The following CADM2 variants were observed in gnomAD, a reference collection of about 807,000 sequenced individuals.
The protein encoded by CADM2 is immunoglobulin superfamily member 4D.
In CADM2, 12 loss-of-function variants were observed where a neutral mutation model predicts 49.8. The ratio of observed to expected loss-of-function variants is 0.24; its 90% CI spans 0.15 to 0.39. The LOEUF (loss-of-function observed/expected upper bound fraction) is 0.39. Ranked by LOEUF, CADM2 falls within the 10% of genes least tolerant of loss-of-function variation. The pLI, the probability that CADM2 is intolerant of heterozygous loss-of-function variation, is 1.00. For missense variants in CADM2, 378 were observed against 492.3 expected (o/e 0.77, Z 2.20); for synonymous variants, 214 against 175.4 (o/e 1.22, Z -1.74).
intron 6 of CADM2, among the ~76,000 whole-genome samples, chr3:85,928,964 AT>A (rs1008794807): frequency 2.0e-5 from 3 of 152,106 alleles, no homozygotes; most frequent in East Asian, 1.9e-4. Context: ...GAAAGGACCA[AT>A]TTTTTAAAGG....
intron 1 of CADM2, among the ~76,000 whole-genome samples, chr3:85,564,230 A>G (rs1375550): frequency 0.51 from 77,694 of 151,618 alleles, 22,963 homozygotes; most frequent in East Asian, 0.85. Flanking sequence ...AATACACGTA[A>G]CATAAAATTT....
intron 1 of CADM2, among the ~76,000 whole-genome samples, chr3:85,456,865 T>C (rs1470314041): frequency 4.6e-5 from 7 of 151,972 alleles, no homozygotes; most frequent in Admixed American, 4.6e-4. Flanking sequence ...TCCCTTGTTT[T>C]TAGATCTTTC....
intron 5 of CADM2, among the ~76,000 whole-genome samples, chr3:85,902,321 T>C (rs182442747): frequency 5.3e-4 from 80 of 152,176 alleles, no homozygotes; most frequent in African/African-American, 1.8e-3. Flanking sequence ...GCTTTGATAT[T>C]AGTATAGTCA....
intron 1 of CADM2, among the ~76,000 whole-genome samples, chr3:85,492,089 A>C (rs1320671762): frequency 6.6e-6 from 1 of 152,184 alleles, no homozygotes; most frequent in Non-Finnish European, 1.5e-5. Context: ...AATTTTAGAA[A>C]ATATTTTTTA....
intron 1 of CADM2, among the ~76,000 whole-genome samples, chr3:85,569,693 T>C (rs7651291): frequency 0.21 from 29,995 of 140,698 alleles, 3,705 homozygotes; most frequent in East Asian, 0.33. Context: ...GAGGAACCTT[T>C]CTAATGGCAA....
intron 1 of CADM2, among the ~76,000 whole-genome samples, chr3:85,665,774 C>T (rs1309319046): frequency 6.6e-6 from 1 of 151,966 alleles, no homozygotes; most frequent in Non-Finnish European, 1.5e-5. Context: ...AAATTTTTAA[C>T]TCTCATTCAC....
At chr3:85,560,197 G>A (rs2062058537) in intron 1 of CADM2, among the ~76,000 whole-genome samples, 1 of 152,182 alleles carries the variant, frequency 6.6e-6, no homozygotes, top group Admixed American at 6.6e-5. Context: ...TCAAAACTAA[G>A]CTGGTGAACC....
At chr3:85,532,259 A>G (rs1262284926) in intron 1 of CADM2, among the ~76,000 whole-genome samples, 1 of 152,172 alleles carries the variant, frequency 6.6e-6, no homozygotes, top group East Asian at 1.9e-4. Flanking sequence ...TGCAGGCAGT[A>G]TTCTCCCTCC....
intron 1 of CADM2, among the ~76,000 whole-genome samples, chr3:85,354,381 A>T (rs1377461893): frequency 2.0e-5 from 3 of 149,442 alleles, no homozygotes; most frequent in Non-Finnish European, 3.0e-5. Context: ...GAGGGATAGC[A>T]TTAAGAGATA....
chr3:85,254,336 A>G (rs1222825335), intron 1 of CADM2, among the ~76,000 whole-genome samples: 1 of 151,978 alleles, frequency 6.6e-6, no homozygotes, highest in African/African-American at 2.4e-5. Context: ...AGCTCTTTAA[A>G]CCTAGTCATT....
At chr3:85,504,954 C>G (rs1254641258) in intron 1 of CADM2, among the ~76,000 whole-genome samples, 2 of 152,088 alleles carry the variant, frequency 1.3e-5, no homozygotes, top group Non-Finnish European at 2.9e-5. Flanking sequence ...CCGGCAGGGC[C>G]GGCCGGCTGC....
intron 1 of CADM2, among the ~76,000 whole-genome samples, chr3:85,352,076 G>A (rs2031406232): frequency 6.6e-6 from 1 of 152,056 alleles, no homozygotes; most frequent in South Asian, 2.1e-4. Context: ...GCAGATAGAA[G>A]ATTATGACAA....
intron 8 of CADM2, among the ~76,000 whole-genome samples, chr3:86,062,758 G>A (rs1188185364): frequency 6.6e-6 from 1 of 151,894 alleles, no homozygotes; most frequent in Non-Finnish European, 1.5e-5. Flanking sequence ...GCCACTCACT[G>A]AACTCCAGCC....
intron 1 of CADM2, among the ~76,000 whole-genome samples, chr3:85,287,203 T>C (rs553027827): frequency 1.3e-5 from 2 of 152,036 alleles, no homozygotes; most frequent in African/African-American, 4.8e-5. Flanking sequence ...GTTGATGTTA[T>C]TCCTGCATTA....
rs76703651 is a variant in CADM2, at chr3:85,497,260, T to C, written c.62-229262T>C. Among the ~76,000 whole-genome samples the C allele has an allele frequency of 8.7e-3, 1,319 of 152,234 alleles. 20 individuals carry two copies. Among genetic ancestry groups the C allele is most frequent in the African/African-American group, 0.03 (1,263 of 41,550 alleles). ...ATTAGTCCCTTCTCAGGTACATATATGTGTGTATTTTCTCCCATTCTTTTA... is the reference window on the plus strand; with the variant it reads ...ATTAGTCCCTTCTCAGGTACATATACGTGTGTATTTTCTCCCATTCTTTTA... On this transcript the variant is annotated intron_variant, in intron 1 of 9. Transcript: ENST00000383699.
At chr3:85,363,815 G>A (rs2032539631) in intron 1 of CADM2, among the ~76,000 whole-genome samples, 1 of 151,884 alleles carries the variant, frequency 6.6e-6, no homozygotes, top group Admixed American at 6.6e-5. Flanking sequence ...GTTTCACCGT[G>A]TTAGCCAGGA....
intron 1 of CADM2, among the ~76,000 whole-genome samples, chr3:85,430,521 A>G (rs1415000185): frequency 6.6e-6 from 1 of 151,830 alleles, no homozygotes; most frequent in Non-Finnish European, 1.5e-5. Context: ...TTGTCTCAAA[A>G]AATAATAATA....
At chr3:85,242,032 T>C (rs1204384125) in intron 1 of CADM2, among the ~76,000 whole-genome samples, 1 of 150,952 alleles carries the variant, frequency 6.6e-6, no homozygotes, top group Admixed American at 6.6e-5. Flanking sequence ...TTATTTCTTA[T>C]AAGATTAAGG....
At chr3:85,475,329 A>G (rs1430684447) in intron 1 of CADM2, among the ~76,000 whole-genome samples, 3 of 151,880 alleles carry the variant, frequency 2.0e-5, no homozygotes, top group South Asian at 2.1e-4. Flanking sequence ...CCTCCTATCT[A>G]TCCTATCCAG....
Sources: gnomAD v4.1 joint callset for allele counts (sites outside exome capture counted in the v4.1 genomes callset) on GRCh38, gnomAD v4.1.1 for gene constraint, MANE v1.5 for transcripts, NCBI Gene and HGNC (gene_info 2026-07-23, HGNC 2026-07-21) for gene names.